Variants in PRPF38A observed in about 807,000 individuals in gnomAD.
PRPF38A encodes pre-mRNA processing factor 38A.
A neutral mutation model predicts 46.8 loss-of-function variants in PRPF38A; 11 were observed. That is an observed-to-expected ratio of 0.24 (90% CI 0.15 to 0.39). The LOEUF (loss-of-function observed/expected upper bound fraction) is 0.39, where lower values mean the gene tolerates loss of function less well. Among genes scored for constraint, PRPF38A ranks in the 10% least tolerant of loss-of-function variants. PRPF38A has a pLI of 1.00. For synonymous variants in PRPF38A, 124 were observed against 136.2 expected, an observed-to-expected ratio of 0.91 and a Z score of 0.62; for missense variants, 261 against 407.5, an observed-to-expected ratio of 0.64 and a Z score of 3.10.
rs1429954794 is a variant in PRPF38A at position 52,417,961 on chromosome 1, A to T, written c.*1271A>T. 2.0e-5 allele frequency: 3 copies of T among 152,592 alleles called. No homozygotes were observed. The highest frequency in any genetic ancestry group is 4.4e-5 in the Non-Finnish European group (3 of 68,044). 9.5% of individuals were successfully genotyped at this position (152,592 alleles called of 1,614,324 possible). A position where few individuals can be genotyped will look rare whatever the true frequency, so the allele number is the denominator to read the frequency against. On this transcript the variant is annotated 3_prime_UTR_variant, in exon 10 of 10. Transcript: ENST00000257181. The stretch of plus-strand genomic sequence containing the variant: ...AAGAGATTATTAAGATCTTTGCTAG[A>T]AGAGTTCCTTTACCTGTACTTAACT...
chr1:52,408,887 C>G (rs1196071819), intron 3 of PRPF38A, 197 bp downstream of exon 3: 3 of 514,848 alleles, frequency 5.8e-6, no homozygotes, highest in Admixed American at 7.1e-5. Flanking sequence ...CTTACCCAGC[C>G]TGCCTCTGTC....
intron 5 of PRPF38A, 116 bp downstream of exon 5, chr1:52,412,740 C>T (rs1214259125): frequency 1.5e-6 from 1 of 659,380 alleles, no homozygotes; most frequent in African/African-American, 1.8e-5. Context: ...TCGCTCAAGC[C>T]TGTAATCATA....
chr1:52,408,539 C>T, intron 2 of PRPF38A, 30 bp from the exon 3 acceptor site: 1 of 1,613,710 alleles, frequency 6.2e-7, no homozygotes, highest in Non-Finnish European at 8.5e-7. Context: ...TCTAGGATGG[C>T]CTGTTGTTTC....
At chr1:52,405,479 A>G (rs558729063) in intron 1 of PRPF38A, among the ~76,000 whole-genome samples, 15 of 152,378 alleles carry the variant, frequency 9.8e-5, no homozygotes, top group Admixed American at 2.0e-4. Context: ...GTGAGATAAT[A>G]TGAAAAGCTT....
At chr1:52,414,897 C>T in intron 8 of PRPF38A, 38 bp downstream of exon 8, 3 of 1,598,598 alleles carry the variant, frequency 1.9e-6, no homozygotes, top group Non-Finnish European at 2.6e-6. Flanking sequence ...GTTGTCTTAA[C>T]AAAGAAATGT....
intron 2 of PRPF38A, among the ~76,000 whole-genome samples, chr1:52,406,657 A>AT (rs1648006535): frequency 6.6e-6 from 1 of 152,244 alleles, no homozygotes; most frequent in African/African-American, 2.4e-5. Context: ...AAACACCTAG[A>AT]AAATGTCAGC....
At position 52,414,744 on chromosome 1, in the gene PRPF38A, G is replaced by C; in HGVS notation, c.750-18G>C. The C allele has an allele frequency of 6.2e-7, 1 of 1,614,092 alleles. No individual in the cohort carries two copies. The highest frequency in any genetic ancestry group is 8.5e-7 in the Non-Finnish European group (1 of 1,179,968). On this transcript the variant is annotated intron_variant, in intron 7 of 9. Transcript: ENST00000257181. The stretch of plus-strand genomic sequence containing the variant: ...TATTGCTAACCAGATCTGGTAGTCT[G>C]ACCAGTCTTTTCTACAGCCCCTCCC...
In PRPF38A at chr1:52,408,651, A is replaced by G. The variant is rs750549528; in HGVS notation, c.373A>G (p.Asn125Asp). The G allele has an allele frequency of 3.1e-6, 5 of 1,614,096 alleles. No individual in the cohort carries two copies. The highest frequency in any genetic ancestry group is 2.2e-5 in the East Asian group (1 of 44,900). ...CTACAAGTACTTGGAACCTTTGTAC[A>G]ATGACTATCGAAAAATCAAGAGCCA... ...DCYKYLEPLY[N>D]DYRKIKSQNR... Residue 125 changes from asparagine to aspartate, a missense_variant, in exon 3 of 10, where the codon AAT becomes GAT. Asn to Asp is a conservative substitution (Grantham distance 23). Around this residue, in one of 2 missense-constraint regions of PRPF38A, gnomAD observed 81 missense variants for 186.5 expected, o/e 0.43. Transcript: ENST00000257181.
chr1:52,413,810 A>G, intron 5 of PRPF38A, 69 bp from the exon 6 acceptor site: 2 of 999,812 alleles, frequency 2.0e-6, no homozygotes, highest in East Asian at 2.4e-5. Context: ...GGCGTGAAGT[A>G]TAATTAGTGT....
rs1409443714 is a variant in PRPF38A, at chr1:52,405,731, A to G, written c.182A>G (p.Tyr61Cys). Residue 61 changes from tyrosine (Y) to cysteine (C), a missense_variant, in exon 2 of 10, where the codon TAT becomes TGT. Tyr to Cys is a radical substitution (Grantham distance 194). Coordinates refer to ENST00000257181, the MANE Select transcript of PRPF38A (RefSeq NM_032864.4). ...AMELRFVGGV[Y>C]GGNIKPTPFL... ...GAGTTAAGGTTTGTGGGTGGCGTCT[A>G]TGGTGGCAACATAAAACCAACACCC... 6.2e-7 allele frequency: 1 copy of G among 1,614,066 alleles called. No homozygotes were observed. Among genetic ancestry groups the G allele is most frequent in the African/African-American group, 1.3e-5 (1 of 75,054 alleles).
intron 2 of PRPF38A, among the ~76,000 whole-genome samples, chr1:52,406,288 T>C (rs556339095): frequency 6.6e-6 from 1 of 152,100 alleles, no homozygotes. Flanking sequence ...CACCACACCC[T>C]GCCAAGTTTG....
Position 52,414,667 on chromosome 1 carries a change from T to A in PRPF38A, c.749+20T>A, listed in dbSNP as rs754992332. 3 of 1,613,900 alleles carry A rather than the reference T, an allele frequency of 1.9e-6. No homozygotes were observed. The East Asian group carries it at 6.7e-5, about 36-fold the overall frequency. On this transcript the variant is annotated intron_variant, in intron 7 of 9. Transcript: ENST00000257181. ...GAGAAGGTAGGCCTTCAGTCATTTGTGATGAAGGATAGGGCTTTGGGGAGG... is the reference window on the plus strand; with the variant it reads ...GAGAAGGTAGGCCTTCAGTCATTTGAGATGAAGGATAGGGCTTTGGGGAGG...
chr1:52,420,443 C>T lies in PRPF38A; in HGVS notation c.*3753C>T, dbSNP rs1648431055. 2.0e-5 allele frequency: 3 copies of T among 152,160 alleles called. No homozygotes were observed. Among genetic ancestry groups the T allele is most frequent in the South Asian group, 4.1e-4 (2 of 4,828 alleles). 9.4% of individuals were successfully genotyped at this position (152,160 alleles called of 1,614,324 possible). A position where few individuals can be genotyped will look rare whatever the true frequency, so the allele number is the denominator to read the frequency against. On this transcript the variant is annotated 3_prime_UTR_variant, in exon 10 of 10. Coordinates refer to ENST00000257181, the MANE Select transcript of PRPF38A (RefSeq NM_032864.4). The stretch of plus-strand genomic sequence containing the variant: ...GTTTCATCTTTCATAGCAGGAATCA[C>T]GTACAGTCTCTAATTAAAACATACA...
intron 2 of PRPF38A, chr1:52,408,167 G>A (rs1569974579): frequency 6.1e-6 from 2 of 328,286 alleles, no homozygotes; most frequent in East Asian, 1.7e-4. Context: ...TTGATCCCAG[G>A]AGGCGGAGGT....
intron 5 of PRPF38A, among the ~76,000 whole-genome samples, chr1:52,413,558 G>C (rs1024409561): frequency 1.1e-4 from 17 of 152,066 alleles, no homozygotes; most frequent in African/African-American, 4.1e-4. Context: ...AGCATACCTG[G>C]CTAATTTGTG....
intron 3 of PRPF38A, among the ~76,000 whole-genome samples, chr1:52,410,474 T>C (rs186253665): frequency 0.017 from 2,486 of 149,560 alleles, 35 homozygotes; most frequent in African/African-American, 0.031. Context: ...TATATATATA[T>C]ACACACACAC....
At chr1:52,412,427 C>T in intron 4 of PRPF38A, 87 bp from the exon 5 acceptor site, 1 of 841,356 alleles carries the variant, frequency 1.2e-6, no homozygotes, top group Non-Finnish European at 1.9e-6. Flanking sequence ...TCAGCTGTTG[C>T]TCCTTGGAAC....
In PRPF38A at chr1:52,411,183, A is replaced by T. The variant is rs1648139779; in HGVS notation, c.481A>T (p.Ile161Phe). The T allele has an allele frequency of 1.2e-6, 2 of 1,612,760 alleles. No homozygotes were observed. Among genetic ancestry groups the T allele is most frequent in the Admixed American group, 1.7e-5 (1 of 60,000 alleles). The change falls in exon 4 of 10, where the codon ATT becomes TTT. Residue 161 changes from isoleucine to phenylalanine, a missense_variant. Coordinates refer to ENST00000257181, the MANE Select transcript of PRPF38A (RefSeq NM_032864.4). ...LLHSERVCDI[I>F]LPRLQKRYVL... is the part of the protein sequence containing the mutation. ...GCACAGTGAGAGAGTCTGTGATATC[A>T]TTCTGCCCCGACTACAGGTAAGAAA...
intron 4 of PRPF38A, 93 bp downstream of exon 4, chr1:52,411,293 G>C (rs1648143555): frequency 3.5e-6 from 3 of 868,416 alleles, no homozygotes; most frequent in South Asian, 3.0e-5. Context: ...ACTGAAGCCT[G>C]TGGATCTTAT....
Sources: allele counts gnomAD v4.1 joint callset (sites outside exome capture counted in the v4.1 genomes callset), GRCh38; gene constraint gnomAD v4.1.1; regional missense constraint gnomAD v4.1.1; transcripts MANE v1.5; gene names NCBI Gene and HGNC (gene_info 2026-07-23, HGNC 2026-07-21).